Variants in STYXL1 observed in about 807,000 individuals in gnomAD.
The protein encoded by STYXL1 is serine/threonine/tyrosine-interacting-like protein 1.
Under a neutral mutation model 36.4 loss-of-function variants are expected in STYXL1, and 32 were observed. The observed-to-expected ratio is 0.88, with a 90% confidence interval of 0.66 to 1.18. The LOEUF (loss-of-function observed/expected upper bound fraction) is 1.18. Ranked by LOEUF, STYXL1 falls within the 50% of genes most tolerant of loss-of-function variation. The pLI, the probability that STYXL1 is intolerant of heterozygous loss-of-function variation, is 0.00. For synonymous variants in STYXL1, 133 were observed against 144.1 expected (o/e 0.92, Z 0.55); for missense variants, 354 against 394.1 (o/e 0.90, Z 0.86).
intron 7 of STYXL1, 23 bp downstream of exon 7, chr7:76,003,735 C>G: frequency 6.2e-7 from 1 of 1,609,490 alleles, no homozygotes. Context: ...CCAGTTGCTA[C>G]CCGGCCAAGG....
intron 1 of STYXL1, chr7:76,044,048 A>C (rs1463774092): frequency 6.6e-6 from 1 of 152,244 alleles, no homozygotes. Context: ...CAAAACACCA[A>C]GTAAAATCAA....
At chr7:76,041,074 C>T (rs1447596578) in intron 1 of STYXL1, among the ~76,000 whole-genome samples, 1 of 151,194 alleles carries the variant, frequency 6.6e-6, no homozygotes, top group South Asian at 2.1e-4. Flanking sequence ...TGGTGGCTCA[C>T]ACTTGTAATC....
intron 1 of STYXL1, among the ~76,000 whole-genome samples, chr7:76,037,723 A>AC (rs1421260499): frequency 6.7e-6 from 1 of 149,730 alleles, no homozygotes; most frequent in Non-Finnish European, 1.5e-5. Flanking sequence ...GTCCAGGTGG[A>AC]CACAATTGAT....
At chr7:76,030,125 T>C (rs1312884769) in intron 2 of STYXL1, among the ~76,000 whole-genome samples, 1 of 152,118 alleles carries the variant, frequency 6.6e-6, no homozygotes. Flanking sequence ...CTCAGCCTCC[T>C]GAGTAGCTGG....
intron 5 of STYXL1, among the ~76,000 whole-genome samples, chr7:76,009,882 A>G (rs529000366): frequency 6.6e-6 from 1 of 152,256 alleles, no homozygotes; most frequent in South Asian, 2.1e-4. Flanking sequence ...GCTGCAAACA[A>G]GTAACCCAAT....
chr7:76,046,274 C>CTGTGTGTGTGTG (rs782245806), intron 1 of STYXL1, among the ~76,000 whole-genome samples: 31 of 103,170 alleles, frequency 3.0e-4, no homozygotes, highest in African/African-American at 1.0e-3. Context: ...AGCTTATCTG[C>CTGTGTGTGTGTG]TGTGTGTGTG....
intron 8 of STYXL1, chr7:76,000,639 G>T (rs995300522): frequency 2.4e-5 from 14 of 589,652 alleles, no homozygotes; most frequent in African/African-American, 2.2e-4. Context: ...CCTGACAGCA[G>T]TGGGGGCTGC....
chr7:76,008,897 G>C lies in STYXL1; in HGVS notation c.454-3493C>G, dbSNP rs1792177400. 4.6e-5 allele frequency among the ~76,000 whole-genome samples: 7 copies of C among 152,024 alleles called. No homozygotes were observed. The South Asian group carries it at 1.5e-3, about 32-fold the overall frequency. ...CACGCCTGTAATCTCAGCTACTCTG[G>C]AGGCTGAGGCAGGAGAATCACTTGA... On this transcript the variant is annotated intron_variant, in intron 5 of 8. Coordinates refer to ENST00000359697, the MANE Select transcript of STYXL1 (RefSeq NM_001317785.2).
At chr7:76,021,757 T>C (rs2116063642) in intron 4 of STYXL1, 94 bp downstream of exon 4, 1 of 901,510 alleles carries the variant, frequency 1.1e-6, no homozygotes, top group East Asian at 2.4e-5. Flanking sequence ...ATTGGCCTGT[T>C]CCCGTGCCAT....
intron 3 of STYXL1, among the ~76,000 whole-genome samples, chr7:76,022,538 G>A (rs985541258): frequency 2.6e-5 from 4 of 151,838 alleles, no homozygotes; most frequent in East Asian, 1.9e-4. Flanking sequence ...AGTGGCATGC[G>A]CCTGTAGTCC....
intron 5 of STYXL1, 108 bp from the exon 6 acceptor site, chr7:76,005,512 G>C: frequency 9.6e-7 from 1 of 1,045,228 alleles, no homozygotes; most frequent in Non-Finnish European, 1.4e-6. Context: ...GCAGTTCCAG[G>C]ACAGTGAATG....
intron 8 of STYXL1, chr7:75,998,696 A>G (rs1416090794): frequency 6.6e-6 from 1 of 152,328 alleles, no homozygotes; most frequent in East Asian, 1.9e-4. Context: ...CGCCATGCAA[A>G]GAATGAAATT....
At chr7:76,045,256 T>A (rs1796840849) in intron 1 of STYXL1, 1 of 149,700 alleles carries the variant, frequency 6.7e-6, no homozygotes, top group Middle Eastern at 3.2e-3. Flanking sequence ...GCCACCACCG[T>A]AATTCAGACC....
chr7:76,028,090 A>G (rs1764771872), intron 3 of STYXL1, among the ~76,000 whole-genome samples: 1 of 152,184 alleles, frequency 6.6e-6, no homozygotes, highest in Admixed American at 6.5e-5. Flanking sequence ...GCTAGAGTAC[A>G]GTGGCGTGAT....
Position 75,996,410 on chromosome 7 carries a change from C to T in STYXL1, c.*58G>A, listed in dbSNP as rs563657416. On this transcript the variant is annotated 3_prime_UTR_variant, in exon 9 of 9. Transcript: ENST00000359697. ...TGGGTATACACACTCTGGCCCTCCA[C>T]CCACAAAATGCCCCCAGGTGAGGCT... is the stretch of plus-strand genomic sequence containing the variant. 2.2e-5 allele frequency: 35 copies of T among 1,613,680 alleles called. No individual in the cohort carries two copies. The highest frequency in any genetic ancestry group is 1.9e-4 in the South Asian group (17 of 90,996).
rs782683398 is a variant in STYXL1 at position 76,035,579 on chromosome 7, T to G, written c.-4-5052A>C. ...TACTTTTTCCACGTGTGGATTCCTC[T>G]TAAGGATCTCCTCACTCCCACCCCC... On this transcript the variant is annotated intron_variant, in intron 1 of 8. Transcript: ENST00000359697. 4.0e-5 allele frequency among the ~76,000 whole-genome samples: 6 copies of G among 149,840 alleles called. 1 individual carries two copies. Among genetic ancestry groups the G allele is most frequent in the Non-Finnish European group, 8.9e-5 (6 of 67,056 alleles).
At chr7:76,011,507 T>G (rs955191229) in intron 5 of STYXL1, among the ~76,000 whole-genome samples, 1 of 152,238 alleles carries the variant, frequency 6.6e-6, no homozygotes, top group Non-Finnish European at 1.5e-5. Flanking sequence ...TGATTTCGAT[T>G]GAAGTTTTTT....
intron 4 of STYXL1, 47 bp downstream of exon 4, chr7:76,021,804 T>C (rs1252693701): frequency 7.0e-7 from 1 of 1,436,634 alleles, no homozygotes; most frequent in Non-Finnish European, 9.8e-7. Flanking sequence ...ACAAATTTGT[T>C]CAATAGCCGT....
chr7:76,011,601 T>C (rs1792557744), intron 5 of STYXL1, among the ~76,000 whole-genome samples: 1 of 152,364 alleles, frequency 6.6e-6, no homozygotes, highest in East Asian at 1.9e-4. Context: ...AGGCAACTGT[T>C]AGAAAAAGTT....
Sources: allele counts gnomAD v4.1 joint callset (sites outside exome capture counted in the v4.1 genomes callset), GRCh38; gene constraint gnomAD v4.1.1; transcripts MANE v1.5; gene names NCBI Gene and HGNC (gene_info 2026-07-23, HGNC 2026-07-21).